The following SON variants were observed in gnomAD, a reference collection of about 807,000 sequenced individuals.
SON encodes the protein SON DNA and RNA binding protein, also known as protein SON.
Under a neutral mutation model 173.3 loss-of-function variants are expected in SON, and 4 were observed. The ratio of observed to expected loss-of-function variants is 0.02; its 90% CI spans 0.01 to 0.05. SON has a LOEUF of 0.05. Ranked by LOEUF, SON falls within the 10% of genes least tolerant of loss-of-function variation. The probability of loss-of-function intolerance (pLI) is 1.00; values close to 1 mark genes in which losing one functional copy is unlikely to be tolerated. For missense variants in SON, 2,626 were observed against 3,055.3 expected, an observed-to-expected ratio of 0.86 and a Z score of 3.31; for synonymous variants, 1,190 against 1,105.9, an observed-to-expected ratio of 1.08 and a Z score of -1.51.
rs775689868 is a variant in SON, at chr21:33,546,368, G to A, written c.233G>A (p.Arg78Gln). Reference protein sequence around the residue: ...VLSGVLDTELRYKPDLKEGSR... With the variant: ...VLSGVLDTELQYKPDLKEGSR... ...TCTGGGGTCTTAGATACAGAACTAC[G>A]ATATAAGCCAGGTAAGTTGGAGATA... Residue 78 changes from arginine (R) to glutamine (Q), a missense_variant, in exon 2 of 12, where the codon CGA becomes CAA. By Grantham distance (43) the Arg-to-Gln change is conservative (BLOSUM62 1). Around this residue, in one of 13 missense-constraint regions of SON, gnomAD observed 757 missense variants for 730.1 expected, o/e 1.04. Coordinates refer to ENST00000356577, the MANE Select transcript of SON (RefSeq NM_138927.4). The A allele has an allele frequency of 1.3e-6, 2 of 1,598,594 alleles. No individual in the cohort carries two copies. Among genetic ancestry groups the A allele is most frequent in the African/African-American group, 1.4e-5 (1 of 73,912 alleles).
chr21:33,555,347 G>A lies in SON; in HGVS notation c.6116G>A (p.Arg2039Lys). The A allele has an allele frequency of 6.3e-7, 1 of 1,590,564 alleles. No homozygotes were observed. The highest frequency in any genetic ancestry group is 8.6e-7 in the Non-Finnish European group (1 of 1,168,454). The change falls in exon 3 of 12, where the codon AGG becomes AAG. Residue 2039 changes from arginine (R) to lysine (K), a missense_variant. Arg to Lys is a conservative substitution (Grantham distance 26, BLOSUM62 2). Coordinates refer to ENST00000356577, the MANE Select transcript of SON (RefSeq NM_138927.4). ...TCTCCCATCCGTCGTAAAAGATCCAGGTCTTCTGAACGAGGCAGATCACCC... is the reference window on the plus strand; with the variant it reads ...TCTCCCATCCGTCGTAAAAGATCCAAGTCTTCTGAACGAGGCAGATCACCC... ...SRSPIRRKRS[R>K]SSERGRSPKR...
rs375645277 is a variant in SON at position 33,559,609 on chromosome 21, C to T, written c.6491C>T (p.Pro2164Leu). The change falls in exon 6 of 12, where the codon CCA becomes CTA. Residue 2164 changes from proline to leucine, a missense_variant. By Grantham distance (98) the Pro-to-Leu change is moderately conservative (BLOSUM62 -3). Coordinates refer to ENST00000356577, the MANE Select transcript of SON (RefSeq NM_138927.4). The surrounding 1 kb of genome is among the most constrained non-coding windows in gnomAD (Gnocchi z 4.1). ...NLNIAAAKPT[P>L]PKSQVTLTKE... is the part of the protein sequence containing the mutation. ...TAGATTGCTGCAGCAAAACCAACTC[C>T]ACCAAAAAGCCAGGTAACATTAACA... 3.7e-6 allele frequency: 6 copies of T among 1,610,156 alleles called. No homozygotes were observed. Among genetic ancestry groups the T allele is most frequent in the African/African-American group, 2.7e-5 (2 of 74,524 alleles).
At position 33,559,050 on chromosome 21, in the gene SON, G is replaced by C; in HGVS notation, c.6322-180G>C. The C allele has an allele frequency of 3.0e-6, 1 of 335,406 alleles. No individual in the cohort carries two copies. The highest frequency in any genetic ancestry group is 5.3e-6 in the Non-Finnish European group (1 of 187,582). 20.8% of individuals were successfully genotyped at this position (335,406 alleles called of 1,614,324 possible). A position where few individuals can be genotyped will look rare whatever the true frequency, so the allele number is the denominator to read the frequency against. On this transcript the variant is annotated intron_variant, in intron 4 of 11. Transcript: ENST00000356577. The surrounding 1 kb of genome is among the most constrained non-coding windows in gnomAD (Gnocchi z 4.1). ...TAGTAGGTGCTCAATAAATGTTGTT[G>C]ACTGACTGACCAGCCAGAGTGTGTT...
intron 8 of SON, chr21:33,569,498 C>A: frequency 2.7e-6 from 1 of 372,334 alleles, no homozygotes; most frequent in South Asian, 2.1e-5. Context: ...TAGTGGATCA[C>A]TGCCCCCAAG....
intron 3 of SON, 61 bp from the exon 4 acceptor site, chr21:33,557,095 T>C (rs1412716202): frequency 8.0e-6 from 12 of 1,498,266 alleles, no homozygotes; most frequent in Non-Finnish European, 1.0e-5. Flanking sequence ...TGTTAGACTT[T>C]TGGTAATACA....
intron 1 of SON, 75 bp downstream of exon 1, chr21:33,543,244 C>A: frequency 2.2e-6 from 3 of 1,350,524 alleles, no homozygotes; most frequent in East Asian, 2.3e-5. Context: ...CACCTTTCTT[C>A]GGAGACGCAG....
chr21:33,557,375 T>C (rs1206320958), intron 4 of SON, 59 bp downstream of exon 4: 5 of 1,593,860 alleles, frequency 3.1e-6, no homozygotes, highest in East Asian at 2.3e-5. Flanking sequence ...ATGTTGACTC[T>C]GGAGCGTGCC....
chr21:33,570,636 T>G (rs1371375098), intron 8 of SON, among the ~76,000 whole-genome samples: 2 of 152,178 alleles, frequency 1.3e-5, no homozygotes, highest in African/African-American at 2.4e-5. Context: ...ATATAATATT[T>G]GAAAAAATGT....
At chr21:33,544,553 C>T (rs1392983717) in intron 1 of SON, among the ~76,000 whole-genome samples, 2 of 152,116 alleles carry the variant, frequency 1.3e-5, no homozygotes, top group African/African-American at 4.8e-5. Context: ...TTTCCCCCCC[C>T]ATGTATTGTG....
At chr21:33,572,783 T>C (rs79606667) in intron 8 of SON, among the ~76,000 whole-genome samples, 2 of 150,178 alleles carry the variant, frequency 1.3e-5, no homozygotes, top group Admixed American at 6.6e-5. Context: ...TTTTTTTTTT[T>C]CTGCTTTAGG....
rs2086031257 is a variant in SON at position 33,559,571 on chromosome 21, A to G, written c.6469-16A>G. ...TATCATATTGAGCTTTAATTAAGAA[A>G]CACTTTATTTTTTAGATTGCTGCAG... On this transcript the variant is annotated splice_polypyrimidine_tract_variant and intron_variant, in intron 5 of 11. Transcript: ENST00000356577. This position sits in a 1 kb window ranked among gnomAD's most constrained non-coding sequence, Gnocchi z 4.1. 1 of 1,597,440 alleles carries G rather than the reference A, an allele frequency of 6.3e-7. No homozygotes were observed. The highest frequency in any genetic ancestry group is 2.2e-5 in the East Asian group (1 of 44,776).
At chr21:33,561,993 A>G (rs778798978) in intron 6 of SON, among the ~76,000 whole-genome samples, 11 of 152,148 alleles carry the variant, frequency 7.2e-5, no homozygotes, top group Non-Finnish European at 1.6e-4. Flanking sequence ...ATTAGACTCA[A>G]AAGAACATAC....
At position 33,550,198 on chromosome 21, in the gene SON, TCAA is replaced by T. The variant is rs1355103222; in HGVS notation, c.974_976del (p.Thr325del). On this transcript the variant is annotated inframe_deletion, in exon 3 of 12. Transcript: ENST00000356577. ...TGAGGTGTACCCTGAGCCAAGCACA[TCAA>T]CAACAATGGATTTTCCAGAGTCATC... The T allele has an allele frequency of 8.1e-6, 13 of 1,614,094 alleles. No homozygotes were observed. The highest frequency in any genetic ancestry group is 1.1e-5 in the Non-Finnish European group (13 of 1,180,048).
At position 33,557,205 on chromosome 21, in the gene SON, T is replaced by C; in HGVS notation, c.6210T>C (p.Cys2070=). The C allele has an allele frequency of 1.2e-6, 2 of 1,613,266 alleles. No homozygotes were observed. The highest frequency in any genetic ancestry group is 1.7e-6 in the Non-Finnish European group (2 of 1,179,868). The change falls in exon 4 of 12, where the codon TGT becomes TGC. Residue 2070 remains cysteine, a synonymous_variant. Transcript: ENST00000356577. ...EIAKANAAAM[C]AKAGVPLPPN... Reference sequence around the variant, plus strand: ...CCAAAGCTAATGCAGCTGCCATGTGTGCTAAGGCTGGTGTCCCTTTACCAC... The same window carrying C: ...CCAAAGCTAATGCAGCTGCCATGTGCGCTAAGGCTGGTGTCCCTTTACCAC...
In SON at chr21:33,555,328, A is replaced by G. The variant is rs376444685; in HGVS notation, c.6097A>G (p.Ile2033Val). ...AAGAAGAAGGTTTAGCAGATCTCCC[A>G]TCCGTCGTAAAAGATCCAGGTCTTC... is the stretch of plus-strand genomic sequence containing the variant. ...PLRRRFSRSPIRRKRSRSSER... is the reference protein window; with the variant it reads ...PLRRRFSRSPVRRKRSRSSER... Residue 2033 changes from isoleucine (I) to valine (V), a missense_variant, in exon 3 of 12, where the codon ATC becomes GTC. Transcript: ENST00000356577. The G allele has an allele frequency of 1.7e-5, 27 of 1,603,352 alleles. No individual in the cohort carries two copies. In the African/African-American group the frequency reaches 2.7e-4, roughly 16 times the overall value.
chr21:33,549,793 G>C lies in SON; in HGVS notation c.562G>C (p.Glu188Gln). The C allele has an allele frequency of 6.2e-7, 1 of 1,614,200 alleles. No individual in the cohort carries two copies. The highest frequency in any genetic ancestry group is 8.5e-7 in the Non-Finnish European group (1 of 1,180,038). Reference protein sequence around the residue: ...ETNESPAVVLEPPVVSMEVSE... With the variant: ...ETNESPAVVLQPPVVSMEVSE... ...CAATGAATCCCCTGCAGTTGTGCTA[G>C]AACCTCCTGTAGTATCAATGGAGGT... The change falls in exon 3 of 12, where the codon GAA becomes CAA. Residue 188 changes from glutamate to glutamine, a missense_variant. This residue lies in a region of SON where 757 missense variants were observed against 730.1 expected (regional missense o/e 1.04). Coordinates refer to ENST00000356577, the MANE Select transcript of SON (RefSeq NM_138927.4).
chr21:33,573,078 A>C (rs1289693921), intron 8 of SON: 1 of 395,082 alleles, frequency 2.5e-6, no homozygotes, highest in Non-Finnish European at 4.5e-6. Flanking sequence ...TACTGTTTCA[A>C]AACTGCCATT....
At position 33,559,294 on chromosome 21, in the gene SON, C is replaced by T; in HGVS notation, c.6386C>T (p.Ser2129Leu). ...GTAATAGTGAATAAACCTCATGTTT[C>T]GGATGAAGAGGAAGAAGAACCTCCT... ...DDVIVNKPHV[S>L]DEEEEEPPFY... The change falls in exon 5 of 12, where the codon TCG (serine) becomes TTG (leucine). Residue 2129 changes from serine (S) to leucine (L), a missense_variant. Ser to Leu is a moderately radical substitution (Grantham distance 145). Transcript: ENST00000356577. This position sits in a 1 kb window ranked among gnomAD's most constrained non-coding sequence, Gnocchi z 4.1. The T allele has an allele frequency of 1.9e-6, 3 of 1,611,330 alleles. No individual in the cohort carries two copies. Among genetic ancestry groups the T allele is most frequent in the East Asian group, 2.2e-5 (1 of 44,782 alleles).
rs551107168 is a variant in SON, at chr21:33,549,685, T to C, written c.454T>C (p.Ser152Pro). The change falls in exon 3 of 12, where the codon TCT (serine) becomes CCT (proline). Residue 152 changes from serine to proline, a missense_variant. Physicochemically the swap from Ser to Pro is moderately conservative, Grantham distance 74. Coordinates refer to ENST00000356577, the MANE Select transcript of SON (RefSeq NM_138927.4). ...SHDDGNIDLESDSFLKFDSEP... is the reference protein window; with the variant it reads ...SHDDGNIDLEPDSFLKFDSEP... ...TGATGATGGGAACATAGATTTAGAA[T>C]CTGATTCCTTTTTAAAGTTTGATTC... 2 of 1,612,630 alleles carry C rather than the reference T, an allele frequency of 1.2e-6. No homozygotes were observed. Among genetic ancestry groups the C allele is most frequent in the South Asian group, 2.2e-5 (2 of 90,454 alleles).
Sources: allele counts gnomAD v4.1 joint callset (sites outside exome capture counted in the v4.1 genomes callset), GRCh38; gene constraint gnomAD v4.1.1; regional missense constraint gnomAD v4.1.1; non-coding constraint Gnocchi (gnomAD v3.1); transcripts MANE v1.5; gene names NCBI Gene and HGNC (gene_info 2026-07-23, HGNC 2026-07-21).